Variants in VTA1 observed in about 807,000 individuals in gnomAD.
The protein encoded by VTA1 is vesicle trafficking 1.
A neutral mutation model predicts 36.9 loss-of-function variants in VTA1; 24 were observed. The ratio of observed to expected loss-of-function variants is 0.65; its 90% CI spans 0.47 to 0.91. VTA1 has a LOEUF of 0.91. Ranked by LOEUF, VTA1 falls within the 40% of genes least tolerant of loss-of-function variation. The pLI is 0.00. For synonymous variants in VTA1, 142 were observed against 130.2 expected, an observed-to-expected ratio of 1.09 and a Z score of -0.62; for missense variants, 393 against 377.2, an observed-to-expected ratio of 1.04 and a Z score of -0.35.
At chr6:142,187,309 A>G (rs936506591) in intron 4 of VTA1, among the ~76,000 whole-genome samples, 6 of 152,222 alleles carry the variant, frequency 3.9e-5, no homozygotes, top group African/African-American at 7.2e-5. Context: ...AAAGATTGGC[A>G]TAGTCCAGGG....
intron 4 of VTA1, among the ~76,000 whole-genome samples, chr6:142,186,362 A>G (rs1775339857): frequency 1.3e-5 from 2 of 152,180 alleles, no homozygotes; most frequent in South Asian, 4.1e-4. Context: ...ATTTTAAATG[A>G]AAAGATTGAC....
At chr6:142,184,303 G>A (rs1252597120) in intron 4 of VTA1, among the ~76,000 whole-genome samples, 1 of 152,108 alleles carries the variant, frequency 6.6e-6, no homozygotes, top group Non-Finnish European at 1.5e-5. Context: ...TACTAAAACA[G>A]TATGACCTTC....
intron 1 of VTA1, among the ~76,000 whole-genome samples, chr6:142,153,592 A>G (rs1214747244): frequency 1.3e-5 from 2 of 152,032 alleles, no homozygotes; most frequent in Non-Finnish European, 1.5e-5. Flanking sequence ...TAATATTCCT[A>G]CATTTCGAAG....
chr6:142,194,507 C>A (rs1775510890), intron 5 of VTA1, among the ~76,000 whole-genome samples: 1 of 151,904 alleles, frequency 6.6e-6, no homozygotes, highest in African/African-American at 2.4e-5. Flanking sequence ...ATTTTGTGTC[C>A]TTTCATTCTC....
intron 1 of VTA1, among the ~76,000 whole-genome samples, chr6:142,148,832 A>T (rs1018841017): frequency 6.6e-6 from 1 of 152,286 alleles, no homozygotes; most frequent in African/African-American, 2.4e-5. Context: ...TCTGGGAAAG[A>T]GTATTCTCCA....
intron 1 of VTA1, among the ~76,000 whole-genome samples, chr6:142,153,481 T>C (rs1778605811): frequency 6.6e-6 from 1 of 152,058 alleles, no homozygotes; most frequent in Admixed American, 6.5e-5. Flanking sequence ...GATTTACACC[T>C]TGTGCCCTAT....
At chr6:142,156,706 TTGA>T (rs1416281307) in intron 1 of VTA1, among the ~76,000 whole-genome samples, 1 of 152,212 alleles carries the variant, frequency 6.6e-6, no homozygotes, top group African/African-American at 2.4e-5. Context: ...TCTTCATTTG[TTGA>T]TATCATCATC....
chr6:142,223,113 G>GTGTT lies in VTA1; in HGVS notation c.*4471_*4474dup, dbSNP rs977828314. ...TTGGACAGTTCCTTTTATTAGTGAGGTGTTAGCACCTAAATTTTTCTATTA... is the reference window on the plus strand; with the variant it reads ...TTGGACAGTTCCTTTTATTAGTGAGGTGTTTGTTAGCACCTAAATTTTTCTATTA... On this transcript the variant is annotated 3_prime_UTR_variant, in exon 8 of 8. Transcript: ENST00000367630. 3.3e-5 allele frequency: 5 copies of GTGTT among 152,142 alleles called. No homozygotes were observed. The highest frequency in any genetic ancestry group is 1.2e-4 in the African/African-American group (5 of 41,432). 9.4% of individuals were successfully genotyped at this position (152,142 alleles called of 1,614,324 possible).
chr6:142,147,931 T>A (rs1170479259), intron 1 of VTA1, among the ~76,000 whole-genome samples: 2 of 152,332 alleles, frequency 1.3e-5, no homozygotes, highest in Admixed American at 6.5e-5. Flanking sequence ...CCAGCTGCTC[T>A]CTCCTACCAT....
chr6:142,161,919 G>A lies in VTA1; in HGVS notation c.113-4309G>A, dbSNP rs143024198. Among the ~76,000 whole-genome samples, 276 of 152,202 alleles carry A rather than the reference G, an allele frequency of 1.8e-3. 2 individuals carry two copies. Among genetic ancestry groups the A allele is most frequent in the African/African-American group, 5.9e-3 (246 of 41,526 alleles). On this transcript the variant is annotated intron_variant, in intron 1 of 7. Coordinates refer to ENST00000367630, the MANE Select transcript of VTA1 (RefSeq NM_016485.5). ...TTTGTACTTAAGAATTCTTTGCAAT[G>A]TAAGATATTTAGAAATATAAAAGCC...
At chr6:142,208,686 G>A (rs1339167425) in intron 7 of VTA1, among the ~76,000 whole-genome samples, 8 of 152,220 alleles carry the variant, frequency 5.3e-5, no homozygotes, top group African/African-American at 1.7e-4. Context: ...AACACCAAGA[G>A]ATAAGAAGCA....
At chr6:142,182,017 T>C (rs948693503) in intron 4 of VTA1, among the ~76,000 whole-genome samples, 3 of 152,248 alleles carry the variant, frequency 2.0e-5, no homozygotes, top group African/African-American at 7.2e-5. Context: ...CTGGGAGTTA[T>C]GTGGAAGTCT....
rs1290317965 is a variant in VTA1 at position 142,181,338 on chromosome 6, T to G, written c.412-8088T>G. ...TTAGTAGAGATGGGGTTTCACTGTG[T>G]TAGCCAGGATGGTCTCAATCTCCTG... On this transcript the variant is annotated intron_variant, in intron 4 of 7. Transcript: ENST00000367630. Among the ~76,000 whole-genome samples the G allele has an allele frequency of 2.7e-5, 4 of 148,388 alleles. No individual in the cohort carries two copies. In the East Asian group the frequency reaches 5.9e-4, roughly 22 times the overall value.
intron 5 of VTA1, among the ~76,000 whole-genome samples, chr6:142,195,595 C>CTTTTTTTTTTTTTTT (rs72442499): frequency 2.8e-5 from 2 of 70,692 alleles, no homozygotes; most frequent in Non-Finnish European, 5.7e-5. Flanking sequence ...GTTTAATTTG[C>CTTTTTTTTTTTTTTT]TTTTTTTTTT....
intron 1 of VTA1, among the ~76,000 whole-genome samples, chr6:142,159,584 G>A (rs991960677): frequency 1.3e-5 from 2 of 150,052 alleles, no homozygotes; most frequent in African/African-American, 4.9e-5. Context: ...TGCAATCTCA[G>A]CTCACTGCAA....
intron 4 of VTA1, among the ~76,000 whole-genome samples, 191 bp downstream of exon 4, chr6:142,170,612 G>A (rs1335502051): frequency 6.6e-6 from 1 of 151,912 alleles, no homozygotes; most frequent in East Asian, 1.9e-4. Flanking sequence ...TTTTAATTTT[G>A]TACTAAGTTC....
At chr6:142,216,780 T>C (rs931776992) in intron 7 of VTA1, among the ~76,000 whole-genome samples, 7 of 152,310 alleles carry the variant, frequency 4.6e-5, no homozygotes, top group South Asian at 2.1e-4. Flanking sequence ...CAAACAGTGC[T>C]AAAGCTAATG....
chr6:142,204,770 T>C (rs1775757216), intron 7 of VTA1, among the ~76,000 whole-genome samples: 2 of 151,996 alleles, frequency 1.3e-5, no homozygotes, highest in African/African-American at 4.8e-5. Context: ...TTTGAGACAG[T>C]GTGGAGTGCA....
At chr6:142,202,026 A>C (rs1775695334) in intron 6 of VTA1, among the ~76,000 whole-genome samples, 1 of 151,996 alleles carries the variant, frequency 6.6e-6, no homozygotes, top group South Asian at 2.1e-4. Context: ...ATTAGAGTAT[A>C]GTAGATTTAC....
Sources: allele counts gnomAD v4.1 joint callset (sites outside exome capture counted in the v4.1 genomes callset), GRCh38; gene constraint gnomAD v4.1.1; transcripts MANE v1.5; gene names NCBI Gene and HGNC (gene_info 2026-07-23, HGNC 2026-07-21).